Variants in DARS1 observed in about 807,000 individuals in gnomAD.
The protein encoded by DARS1 is aspartate--tRNA ligase, cytoplasmic.
A neutral mutation model predicts 68.8 loss-of-function variants in DARS1; 51 were observed. The observed-to-expected ratio is 0.74, with a 90% CI of 0.59 to 0.94. The LOEUF (loss-of-function observed/expected upper bound fraction) is 0.94. Ranked by LOEUF, DARS1 falls within the 40% of genes least tolerant of loss-of-function variation. The pLI is 0.00. For missense variants in DARS1, 607 were observed against 597.3 expected (o/e 1.02, Z -0.17); for synonymous variants, 203 against 190.4 (o/e 1.07, Z -0.55).
chr2:135,907,537 A>G, intron 15 of DARS1, 130 bp from the exon 16 acceptor site: 1 of 597,704 alleles, frequency 1.7e-6, no homozygotes. Flanking sequence ...GACTCTTATT[A>G]TTTTGGGTTT....
At position 135,949,281 on chromosome 2, in the gene DARS1, T is replaced by C. The variant is rs115771261; in HGVS notation, c.321-5801A>G. Among the ~76,000 whole-genome samples the C allele has an allele frequency of 8.4e-3, 1,273 of 152,178 alleles. 14 individuals are homozygous for C. Among genetic ancestry groups the C allele is most frequent in the African/African-American group, 0.027 (1,129 of 41,530 alleles). The stretch of plus-strand genomic sequence containing the variant: ...ACTGTAACTTTAAACTTTAAAAACT[T>C]GTGTTTACACTCACTGTCCTCTCTA... On this transcript the variant is annotated intron_variant, in intron 4 of 15. Coordinates refer to ENST00000264161, the MANE Select transcript of DARS1 (RefSeq NM_001349.4).
Position 135,922,863 on chromosome 2 carries a change from T to C in DARS1, c.732A>G (p.Ala244=), listed in dbSNP as rs940489789. The part of the protein sequence containing the change: ...VFTVSYFKNN[A]YLAQSPQLYK... Reference sequence around the variant, plus strand: ...ATAGCTGTGGGGACTGAGCCAGGTATGCATTATTTTTAAAATATGACACAG... The same window carrying C: ...ATAGCTGTGGGGACTGAGCCAGGTACGCATTATTTTTAAAATATGACACAG... Residue 244 remains alanine, a synonymous_variant, in exon 9 of 16, where the codon GCA becomes GCG. Transcript: ENST00000264161. 3 of 1,586,098 alleles carry C rather than the reference T, an allele frequency of 1.9e-6. No homozygotes were observed. Among genetic ancestry groups the C allele is most frequent in the African/African-American group, 2.7e-5 (2 of 73,720 alleles).
chr2:135,929,965 G>A (rs935834144), intron 7 of DARS1, among the ~76,000 whole-genome samples: 2 of 152,150 alleles, frequency 1.3e-5, no homozygotes, highest in Admixed American at 1.3e-4. Context: ...CATTTGCCAT[G>A]AATGTAATTC....
Position 135,937,405 on chromosome 2 carries a change from GTCT to G in DARS1, c.424-3418_424-3416del, listed in dbSNP as rs1205137089. Among the ~76,000 whole-genome samples, 8 of 151,730 alleles carry G rather than the reference GTCT, an allele frequency of 5.3e-5. No homozygotes were observed. In the East Asian group the frequency reaches 1.4e-3, roughly 26 times the overall value. On this transcript the variant is annotated intron_variant, in intron 5 of 15. Transcript: ENST00000264161. ...TGAGAAAAAAACAGATCAGAGATAA[GTCT>G]TCTTTAAAAAAAAAGGAAGCTACTG...
chr2:135,945,124 C>T (rs778959832), intron 4 of DARS1, among the ~76,000 whole-genome samples: 2 of 151,984 alleles, frequency 1.3e-5, no homozygotes, highest in Non-Finnish European at 2.9e-5. Context: ...TCAAGTCAAA[C>T]ACATCTACTT....
chr2:135,933,680 T>C (rs1234778301), intron 6 of DARS1, among the ~76,000 whole-genome samples: 1 of 152,142 alleles, frequency 6.6e-6, no homozygotes, highest in African/African-American at 2.4e-5. Context: ...ACTGTAAATA[T>C]TGATATATAT....
intron 3 of DARS1, among the ~76,000 whole-genome samples, chr2:135,968,413 C>T (rs1682287441): frequency 6.6e-6 from 1 of 152,030 alleles, no homozygotes; most frequent in Admixed American, 6.6e-5. Context: ...TTTTAAAGTT[C>T]TGGAGGCTGG....
chr2:135,910,616 G>A (rs1049719815), intron 15 of DARS1, among the ~76,000 whole-genome samples: 3 of 152,028 alleles, frequency 2.0e-5, no homozygotes, highest in Non-Finnish European at 4.4e-5. Flanking sequence ...TGAAAATTTT[G>A]TAAGTACATT....
chr2:135,934,272 G>T (rs181172883), intron 5 of DARS1, among the ~76,000 whole-genome samples: 25 of 152,276 alleles, frequency 1.6e-4, no homozygotes, highest in African/African-American at 5.8e-4. Context: ...GCCTACCAAT[G>T]TAATAAGTAA....
At chr2:135,948,149 AC>A (rs1681768399) in intron 4 of DARS1, among the ~76,000 whole-genome samples, 1 of 152,236 alleles carries the variant, frequency 6.6e-6, no homozygotes, top group Non-Finnish European at 1.5e-5. Flanking sequence ...AGTGGACAGG[AC>A]TGAAAATAGA....
intron 3 of DARS1, among the ~76,000 whole-genome samples, chr2:135,975,663 C>T (rs541617407): frequency 4.3e-4 from 64 of 149,478 alleles, no homozygotes; most frequent in African/African-American, 1.6e-3. Context: ...GGCATGGTGG[C>T]GCATGCCTGT....
intron 4 of DARS1, among the ~76,000 whole-genome samples, chr2:135,960,768 C>A (rs1682080886): frequency 6.6e-6 from 1 of 152,174 alleles, no homozygotes; most frequent in Non-Finnish European, 1.5e-5. Flanking sequence ...CCACTGCACA[C>A]ACAACCACAC....
At chr2:135,924,612 T>TC (rs1482319900) in intron 7 of DARS1, 114 bp from the exon 8 acceptor site, 2 of 1,425,468 alleles carry the variant, frequency 1.4e-6, no homozygotes, top group South Asian at 1.5e-5. Flanking sequence ...ATTTTTAAAT[T>TC]CTAATAATTG....
Position 135,968,604 on chromosome 2 carries a change from C to T in DARS1, c.218-7106G>A, listed in dbSNP as rs1682290429. On this transcript the variant is annotated intron_variant, in intron 3 of 15. Transcript: ENST00000264161. ...ATTCAAGGGGGTAGAGCCCTCATGA[C>T]CCAATCACCTCTTAAAGGCCTCACC... 2.6e-5 allele frequency among the ~76,000 whole-genome samples: 4 copies of T among 151,858 alleles called. No individual in the cohort carries two copies. The South Asian group carries it at 8.3e-4, about 32-fold the overall frequency.
At chr2:135,960,002 T>C (rs1403944798) in intron 4 of DARS1, among the ~76,000 whole-genome samples, 1 of 152,192 alleles carries the variant, frequency 6.6e-6, no homozygotes, top group Non-Finnish European at 1.5e-5. Flanking sequence ...TTTTTTCTTT[T>C]ATAGAAGGTT....
intron 10 of DARS1, among the ~76,000 whole-genome samples, chr2:135,916,836 C>G (rs1040164649): frequency 2.6e-5 from 4 of 152,078 alleles, no homozygotes; most frequent in African/African-American, 9.7e-5. Context: ...ATAGAAGGTA[C>G]AGGACAATGT....
chr2:135,965,592 G>C (rs192987705), intron 3 of DARS1, among the ~76,000 whole-genome samples: 17 of 152,306 alleles, frequency 1.1e-4, no homozygotes, highest in African/African-American at 4.1e-4. Context: ...ATGCTTGGGA[G>C]AATTAAAATC....
rs574555822 is a variant in DARS1 at position 135,985,271 on chromosome 2, G to A, written c.66+132C>T. On this transcript the variant is annotated intron_variant, in intron 1 of 15. Transcript: ENST00000264161. ...GCTGGGGCAAGGGCTCTAGGCGCCC[G>A]GACCCCACGCCCGCAGCCTGCGGAG... 1.6e-5 allele frequency: 22 copies of A among 1,404,780 alleles called. No homozygotes were observed. In the African/African-American group the frequency reaches 2.0e-4, roughly 13 times the overall value. The allele number at this position is 1,404,780 out of a possible 1,614,324, so 87.0% of individuals were successfully genotyped here. A position where few individuals can be genotyped will look rare whatever the true frequency, so the allele number is the denominator to read the frequency against.
At chr2:135,916,570 T>C (rs751050646) in intron 10 of DARS1, among the ~76,000 whole-genome samples, 198 bp from the exon 11 acceptor site, 1 of 152,204 alleles carries the variant, frequency 6.6e-6, no homozygotes, top group Non-Finnish European at 1.5e-5. Flanking sequence ...GTAACCACAG[T>C]AACATCAAAG....
Sources: allele counts gnomAD v4.1 joint callset (sites outside exome capture counted in the v4.1 genomes callset), GRCh38; gene constraint gnomAD v4.1.1; transcripts MANE v1.5; gene names NCBI Gene and HGNC (gene_info 2026-07-23, HGNC 2026-07-21).